The following PPP2R3C variants were observed in gnomAD, a reference collection of about 807,000 sequenced individuals.
PPP2R3C encodes protein phosphatase 2 regulatory subunit B''gamma.
A neutral mutation model predicts 63.7 loss-of-function variants in PPP2R3C; 47 were observed. The observed-to-expected ratio is 0.74, with a 90% CI of 0.58 to 0.94. The LOEUF (loss-of-function observed/expected upper bound fraction) is 0.94. Ranked by LOEUF, PPP2R3C falls within the 40% of genes least tolerant of loss-of-function variation. The pLI is 0.00. For missense variants in PPP2R3C, 421 were observed against 518.4 expected (o/e 0.81, Z 1.82); for synonymous variants, 180 against 177.4 (o/e 1.01, Z -0.12).
chr14:35,087,699 C>A, intron 12 of PPP2R3C: 2 of 413,674 alleles, frequency 4.8e-6, no homozygotes, highest in Non-Finnish European at 4.4e-6. Flanking sequence ...TGAGCCCGGC[C>A]CCCTGACTGT....
chr14:35,121,725 A>T, intron 1 of PPP2R3C, 177 bp downstream of exon 1: 1 of 640,782 alleles, frequency 1.6e-6, no homozygotes. Flanking sequence ...CTGCCCCAGG[A>T]AAGTTTGGGT....
At chr14:35,111,942 C>T (rs72664816) in intron 2 of PPP2R3C, among the ~76,000 whole-genome samples, 27,486 of 152,216 alleles carry the variant, frequency 0.18, 2,643 homozygotes, top group Middle Eastern at 0.27. Context: ...TCCCATTTAG[C>T]TGTCTCCATG....
At chr14:35,114,273 C>T (rs1279448873) in intron 2 of PPP2R3C, among the ~76,000 whole-genome samples, 1 of 152,090 alleles carries the variant, frequency 6.6e-6, no homozygotes, top group Non-Finnish European at 1.5e-5. Context: ...GGGAAGAGAT[C>T]AACTTGTTTA....
chr14:35,111,320 C>A lies in PPP2R3C; in HGVS notation c.187-691G>T, dbSNP rs538207895. ...ATTGACAATTTCAAAACCACCTTTGCAAAATTATAACAGTGACAAAATGAT... is the reference window on the plus strand; with the variant it reads ...ATTGACAATTTCAAAACCACCTTTGAAAAATTATAACAGTGACAAAATGAT... On this transcript the variant is annotated intron_variant, in intron 2 of 12. Transcript: ENST00000261475. Among the ~76,000 whole-genome samples, 17 of 150,360 alleles carry A rather than the reference C, an allele frequency of 1.1e-4. No homozygotes were observed. The South Asian group carries it at 3.6e-3, about 31-fold the overall frequency.
At chr14:35,098,346 G>GTTTTTTT (rs376634061) in intron 7 of PPP2R3C, among the ~76,000 whole-genome samples, 3 of 94,036 alleles carry the variant, frequency 3.2e-5, no homozygotes, top group Non-Finnish European at 4.1e-5. Flanking sequence ...CGCCTGGCTA[G>GTTTTTTT]TTTTTTTTTT....
intron 7 of PPP2R3C, among the ~76,000 whole-genome samples, chr14:35,098,171 A>G (rs2046061245): frequency 6.7e-6 from 1 of 150,148 alleles, no homozygotes; most frequent in Middle Eastern, 3.2e-3. Flanking sequence ...GATTGGATTC[A>G]TAACTGGATT....
At chr14:35,115,346 C>T (rs1263157337) in intron 2 of PPP2R3C, among the ~76,000 whole-genome samples, 1 of 150,902 alleles carries the variant, frequency 6.6e-6, no homozygotes, top group East Asian at 2.0e-4. Context: ...TTTGGAGAGA[C>T]ACGATCTCAC....
chr14:35,095,673 C>T (rs1160497251), intron 9 of PPP2R3C, among the ~76,000 whole-genome samples: 1 of 141,550 alleles, frequency 7.1e-6, no homozygotes, highest in East Asian at 2.0e-4. Context: ...ACCGTCTCTA[C>T]TAAAAAAAAA....
At position 35,107,287 on chromosome 14, in the gene PPP2R3C, A is replaced by G. The variant is rs773981719; in HGVS notation, c.573+17T>C. 1.3e-6 allele frequency: 2 copies of G among 1,547,238 alleles called. No homozygotes were observed. The highest frequency in any genetic ancestry group is 8.9e-7 in the Non-Finnish European group (1 of 1,119,386). On this transcript the variant is annotated intron_variant, in intron 6 of 12. Coordinates refer to ENST00000261475, the MANE Select transcript of PPP2R3C (RefSeq NM_017917.4). ...GTCTATAAGAGTTAATATAATATCT[A>G]TAAGGTTAACACTTACAGATTCCCG... is the stretch of plus-strand genomic sequence containing the variant.
At chr14:35,093,534 A>G (rs1192588973) in intron 10 of PPP2R3C, among the ~76,000 whole-genome samples, 2 of 152,100 alleles carry the variant, frequency 1.3e-5, no homozygotes, top group African/African-American at 4.8e-5. Flanking sequence ...TTTTGTTGTT[A>G]CTAATGGTGT....
intron 11 of PPP2R3C, among the ~76,000 whole-genome samples, chr14:35,089,875 G>C (rs929890696): frequency 9.9e-5 from 15 of 151,804 alleles, no homozygotes; most frequent in Non-Finnish European, 2.1e-4. Context: ...CCATGTTAGT[G>C]AGGATGGTTT....
intron 6 of PPP2R3C, chr14:35,102,436 A>T (rs1467230964): frequency 3.3e-5 from 5 of 152,216 alleles, no homozygotes; most frequent in Non-Finnish European, 5.9e-5. Context: ...GGCATCTCAA[A>T]CTTGAAGTAT....
chr14:35,086,186 T>G (rs539098047), intron 12 of PPP2R3C: 1 of 157,016 alleles, frequency 6.4e-6, no homozygotes, highest in South Asian at 2.0e-4. Flanking sequence ...TTGTCTGTAG[T>G]TTTTGTTTTT....
Position 35,091,190 on chromosome 14 carries a change from C to G in PPP2R3C, c.993G>C (p.Leu331Phe). The change falls in exon 11 of 13, where the codon TTG becomes TTC. Residue 331 changes from leucine (L) to phenylalanine (F), a missense_variant. Physicochemically the swap from Leu to Phe is conservative, Grantham distance 22. Transcript: ENST00000261475. ...YDGEMDYKTYLDFVLALENRK... is the reference protein window; with the variant it reads ...YDGEMDYKTYFDFVLALENRK... ...TGTTTTCTAATGCAAGGACAAAGTC[C>G]AAGTAGGTCTTATAGTCCTACAGAA... The G allele has an allele frequency of 6.2e-7, 1 of 1,610,328 alleles. No homozygotes were observed. Among genetic ancestry groups the G allele is most frequent in the Non-Finnish European group, 8.5e-7 (1 of 1,178,668 alleles).
chr14:35,093,523 C>A (rs1164372639), intron 10 of PPP2R3C, among the ~76,000 whole-genome samples: 1 of 152,014 alleles, frequency 6.6e-6, no homozygotes, highest in Non-Finnish European at 1.5e-5. Context: ...CCCCTCTTTT[C>A]TTTTGTTGTT....
chr14:35,121,220 T>TA (rs1418996781), intron 1 of PPP2R3C, among the ~76,000 whole-genome samples: 3 of 151,906 alleles, frequency 2.0e-5, no homozygotes, highest in Non-Finnish European at 4.4e-5. Flanking sequence ...CTACTAGAAA[T>TA]ACAAAAATTA....
chr14:35,107,303 C>A lies in PPP2R3C; in HGVS notation c.573+1G>T. ...ATAATATCTATAAGGTTAACACTTA[C>A]AGATTCCCGAAGGTACCCCTGCCCA... On this transcript the variant is annotated splice_donor_variant, in intron 6 of 12. Transcript: ENST00000261475. LOFTEE classifies it high-confidence loss of function. 1 of 1,586,556 alleles carries A rather than the reference C, an allele frequency of 6.3e-7. No individual in the cohort carries two copies. Among genetic ancestry groups the A allele is most frequent in the Non-Finnish European group, 8.7e-7 (1 of 1,154,988 alleles).
intron 9 of PPP2R3C, 80 bp downstream of exon 9, chr14:35,096,478 G>A: frequency 8.4e-7 from 1 of 1,195,964 alleles, no homozygotes; most frequent in Non-Finnish European, 1.2e-6. Context: ...GTATATCAGT[G>A]TATGTATAAA....
chr14:35,117,138 C>A (rs2046732871), intron 1 of PPP2R3C: 1 of 455,836 alleles, frequency 2.2e-6, no homozygotes. Context: ...CAGCCCCTGA[C>A]CTCATGGAGT....
Sources: gnomAD v4.1 joint callset for allele counts (sites outside exome capture counted in the v4.1 genomes callset) on GRCh38, gnomAD v4.1.1 for gene constraint, MANE v1.5 for transcripts, NCBI Gene and HGNC (gene_info 2026-07-23, HGNC 2026-07-21) for gene names.